The following MBD5 variants were observed in gnomAD, a reference collection of about 807,000 sequenced individuals.
MBD5 encodes methyl-CpG binding domain protein 5.
In MBD5, 13 loss-of-function variants were observed where a neutral mutation model predicts 117.3. That is an observed-to-expected ratio of 0.11 (90% confidence interval 0.07 to 0.18). The LOEUF is 0.18. Ranked by LOEUF, MBD5 falls within the 10% of genes least tolerant of loss-of-function variation. The pLI is 1.00. For missense variants in MBD5, 1,879 were observed against 2,093.8 expected, an observed-to-expected ratio of 0.90 and a Z score of 2.00; for synonymous variants, 727 against 766.4, an observed-to-expected ratio of 0.95 and a Z score of 0.85.
At chr2:148,321,978 T>C (rs1211459593) in intron 3 of MBD5, among the ~76,000 whole-genome samples, 2 of 152,248 alleles carry the variant, frequency 1.3e-5, no homozygotes, top group Non-Finnish European at 2.9e-5. Flanking sequence ...TTTCTCATTC[T>C]CACTTTGCAT....
rs148556273 is a variant in MBD5 at position 148,107,845 on chromosome 2, A to T, written c.-924-70855A>T. On this transcript the variant is annotated intron_variant, in intron 1 of 13. Transcript: ENST00000642680. ...TCTTATTTTTAAATGAATTTAAATG[A>T]TTTTTTATATCATGAACTACTCATT... Among the ~76,000 whole-genome samples the T allele has an allele frequency of 9.1e-3, 1,390 of 152,190 alleles. 14 individuals carry two copies. The highest frequency in any genetic ancestry group is 0.031 in the African/African-American group (1,292 of 41,532).
At chr2:148,223,655 C>A (rs1247564626) in intron 2 of MBD5, among the ~76,000 whole-genome samples, 1 of 151,354 alleles carries the variant, frequency 6.6e-6, no homozygotes, top group African/African-American at 2.4e-5. Context: ...CTCTTTTTTT[C>A]CTAGTGTGGC....
intron 8 of MBD5, among the ~76,000 whole-genome samples, chr2:148,479,398 C>T (rs1168551049): frequency 6.6e-6 from 1 of 152,182 alleles, no homozygotes; most frequent in Non-Finnish European, 1.5e-5. Context: ...CATCAAACTA[C>T]CTACTTCTAA....
In MBD5 at chr2:148,321,795, C is replaced by A. The variant is rs1045750590; in HGVS notation, c.-679-20419C>A. On this transcript the variant is annotated intron_variant, in intron 3 of 13. Coordinates refer to ENST00000642680, the MANE Select transcript of MBD5 (RefSeq NM_001378120.1). ...AAGAGATGAAGTCTCACTATGTTAC[C>A]CAGGCTGGTCTTGAACTCCTGACCT... Among the ~76,000 whole-genome samples the A allele has an allele frequency of 2.6e-5, 4 of 152,088 alleles. No homozygotes were observed. The South Asian group carries it at 8.3e-4, about 32-fold the overall frequency.
chr2:148,045,609 G>A (rs1694501142), intron 1 of MBD5, among the ~76,000 whole-genome samples: 1 of 152,112 alleles, frequency 6.6e-6, no homozygotes, highest in South Asian at 2.1e-4. Context: ...ACTTGCTCGA[G>A]GTTATACAGA....
chr2:148,484,388 G>A (rs1681268443), intron 9 of MBD5, among the ~76,000 whole-genome samples: 1 of 152,004 alleles, frequency 6.6e-6, no homozygotes, highest in African/African-American at 2.4e-5. Flanking sequence ...TAATTCTGAT[G>A]CCACCTAAAC....
rs1446423013 is a variant in MBD5, at chr2:148,516,456, G to A, written c.*3515G>A. ...CAATGTAGTATATCAAATGAGTTGT[G>A]CATTGATTCATTTGGGGGACATGAA... On this transcript the variant is annotated 3_prime_UTR_variant, in exon 14 of 14. Transcript: ENST00000642680. 2 of 152,182 alleles carry A rather than the reference G, an allele frequency of 1.3e-5. No individual in the cohort carries two copies. Among genetic ancestry groups the A allele is most frequent in the African/African-American group, 4.8e-5 (2 of 41,452 alleles). The allele number at this position is 152,182 out of a possible 1,614,324, so 9.4% of individuals were successfully genotyped here.
chr2:148,091,155 T>C (rs1475778408), intron 1 of MBD5, among the ~76,000 whole-genome samples: 1 of 151,866 alleles, frequency 6.6e-6, no homozygotes, highest in African/African-American at 2.4e-5. Flanking sequence ...AAATGAATCG[T>C]CAACAATATA....
chr2:148,228,690 G>T lies in MBD5; in HGVS notation c.-830-4555G>T, dbSNP rs1219866968. Among the ~76,000 whole-genome samples, 11 of 152,300 alleles carry T rather than the reference G, an allele frequency of 7.2e-5. No individual in the cohort carries two copies. In the East Asian group the frequency reaches 2.1e-3, roughly 29 times the overall value. On this transcript the variant is annotated intron_variant, in intron 2 of 13. Transcript: ENST00000642680. ...AATAGTTTCAGAAGAAATGGTACCA[G>T]CTCCTCCTTGTACCTCTGGTAGAAT...
At chr2:148,438,210 C>A (rs1050976750) in intron 4 of MBD5, among the ~76,000 whole-genome samples, 4 of 152,156 alleles carry the variant, frequency 2.6e-5, no homozygotes, top group Non-Finnish European at 4.4e-5. Flanking sequence ...GGAAGTCATA[C>A]ACAACTGAGA....
chr2:148,076,428 A>G (rs1695512817), intron 1 of MBD5, among the ~76,000 whole-genome samples: 1 of 152,212 alleles, frequency 6.6e-6, no homozygotes, highest in Admixed American at 6.5e-5. Flanking sequence ...CATGGTCAGC[A>G]GCATCTCTTT....
Position 148,469,084 on chromosome 2 carries a change from T to C in MBD5, c.1141T>C (p.Phe381Leu), listed in dbSNP as rs768570356. Residue 381 changes from phenylalanine to leucine, a missense_variant, in exon 8 of 14, where the codon TTC becomes CTC. Physicochemically the swap from Phe to Leu is conservative, Grantham distance 22. Coordinates refer to ENST00000642680, the MANE Select transcript of MBD5 (RefSeq NM_001378120.1). Reference protein sequence around the residue: ...QNPVIINPTSFHSNVHSQVPM... With the variant: ...QNPVIINPTSLHSNVHSQVPM... Reference sequence around the variant, plus strand: ...CCCTGTTATCATTAATCCAACCAGTTTCCATTCAAATGTCCACTCTCAGGT... The same window carrying C: ...CCCTGTTATCATTAATCCAACCAGTCTCCATTCAAATGTCCACTCTCAGGT... The C allele has an allele frequency of 1.9e-5, 31 of 1,613,892 alleles. No individual in the cohort carries two copies. In the Admixed American group the frequency reaches 2.2e-4, roughly 11 times the overall value.
intron 3 of MBD5, among the ~76,000 whole-genome samples, chr2:148,282,905 C>T (rs952499073): frequency 6.9e-6 from 1 of 145,334 alleles, no homozygotes; most frequent in Non-Finnish European, 1.5e-5. Flanking sequence ...AACCGCCCCC[C>T]CCCATCAGAT....
rs1697711284 is a variant in MBD5 at position 148,152,560 on chromosome 2, A to T, written c.-924-26140A>T. On this transcript the variant is annotated intron_variant, in intron 1 of 13. Coordinates refer to ENST00000642680, the MANE Select transcript of MBD5 (RefSeq NM_001378120.1). ...GGGGTGTTAAAGTCTCCCATTATTAATGTGTGGGAGTCTAAGTCTCTTTGT... is the reference window on the plus strand; with the variant it reads ...GGGGTGTTAAAGTCTCCCATTATTATTGTGTGGGAGTCTAAGTCTCTTTGT... Among the ~76,000 whole-genome samples, 3 of 151,776 alleles carry T rather than the reference A, an allele frequency of 2.0e-5. No homozygotes were observed. In the South Asian group the frequency reaches 6.3e-4, roughly 32 times the overall value.
intron 4 of MBD5, among the ~76,000 whole-genome samples, chr2:148,367,441 C>A (rs1468816449): frequency 6.6e-6 from 1 of 152,110 alleles, no homozygotes; most frequent in Admixed American, 6.5e-5. Flanking sequence ...ACCAAAACAC[C>A]AAAAGCAATG....
chr2:148,274,214 C>T (rs972560929), intron 3 of MBD5, among the ~76,000 whole-genome samples: 1 of 152,108 alleles, frequency 6.6e-6, no homozygotes, highest in Admixed American at 6.6e-5. Flanking sequence ...ACCCCCGACA[C>T]CACCACACAC....
intron 13 of MBD5, among the ~76,000 whole-genome samples, chr2:148,512,580 G>A (rs750476770): frequency 2.0e-5 from 3 of 152,180 alleles, no homozygotes; most frequent in Non-Finnish European, 4.4e-5. Flanking sequence ...ACTGCACATT[G>A]CATTTCCCAT....
intron 3 of MBD5, among the ~76,000 whole-genome samples, chr2:148,256,704 C>T (rs1330542590): frequency 4.6e-5 from 7 of 152,220 alleles, no homozygotes; most frequent in Non-Finnish European, 1.5e-5. Flanking sequence ...TATAGCACCT[C>T]GGCTAGACCC....
In MBD5 at chr2:148,487,740, GAC is replaced by G. The variant is rs113925666; in HGVS notation, c.3754-1631_3754-1630del. ...AAAGAAGTAGATTTTAGCTGTTCTT[GAC>G]ACACACACACACACTACTATATGAG... On this transcript the variant is annotated intron_variant, in intron 10 of 13. Transcript: ENST00000642680. Among the ~76,000 whole-genome samples, 12 of 150,968 alleles carry G rather than the reference GAC, an allele frequency of 7.9e-5. 1 individual carries two copies. Among genetic ancestry groups the G allele is most frequent in the South Asian group, 4.2e-4 (2 of 4,798 alleles).
Sources: gnomAD v4.1 joint callset for allele counts (sites outside exome capture counted in the v4.1 genomes callset) on GRCh38, gnomAD v4.1.1 for gene constraint, MANE v1.5 for transcripts, NCBI Gene and HGNC (gene_info 2026-07-23, HGNC 2026-07-21) for gene names.